Variants in ACOT1 observed in about 807,000 individuals in gnomAD.
The protein encoded by ACOT1 is acyl-CoA thioesterase 1.
A neutral mutation model predicts 15.7 loss-of-function variants in ACOT1; 8 were observed. That is an observed-to-expected ratio of 0.51 (90% CI 0.30 to 0.92). ACOT1 has a LOEUF of 0.92. Among genes scored for constraint, ACOT1 ranks in the 40% least tolerant of loss-of-function variants. ACOT1 has a pLI of 0.06. For synonymous variants in ACOT1, 67 were observed against 241.2 expected (o/e 0.28, Z 6.69); for missense variants, 151 against 539.4 (o/e 0.28, Z 7.13).
chr14:73,522,630 G>A, the ACOT1 span: 1 of 1,614,126 alleles, frequency 6.2e-7, no homozygotes, highest in Non-Finnish European at 8.5e-7. Flanking sequence ...GGCCGACCCA[G>A]CATATCTGGA....
At chr14:73,492,566 A>C in the ACOT1 span, 1 of 1,613,890 alleles carries the variant, frequency 6.2e-7, no homozygotes, top group East Asian at 2.2e-5. This position sits in a 1 kb window ranked among gnomAD's most constrained non-coding sequence, Gnocchi z 4.9. Flanking sequence ...TTTGACTGAT[A>C]GGGAGAGGGC....
At chr14:73,494,592 C>G in the ACOT1 span, among the ~76,000 whole-genome samples, 1 of 152,134 alleles carries the variant, frequency 6.6e-6, no homozygotes, top group East Asian at 1.9e-4. Context: ...ACTTTGTTGC[C>G]CAGGCTGGGG....
chr14:73,492,253 A>C, the ACOT1 span: 6 of 1,613,990 alleles, frequency 3.7e-6, no homozygotes, highest in Non-Finnish European at 5.1e-6. The surrounding 1 kb of genome is among the most constrained non-coding windows in gnomAD (Gnocchi z 4.9). Flanking sequence ...GCCAGGATGG[A>C]GTCCACTCTC....
chr14:73,493,239 CCA>C, the ACOT1 span: 1 of 799,268 alleles, frequency 1.3e-6, no homozygotes, highest in South Asian at 1.6e-5. Flanking sequence ...GTAACACTGA[CCA>C]TGTCGTTCTG....
the ACOT1 span, chr14:73,502,815 G>T: frequency 9.6e-7 from 1 of 1,041,262 alleles, no homozygotes; most frequent in Non-Finnish European, 1.5e-6. Context: ...CCAAAGTGTT[G>T]GGAGCCACCT....
the ACOT1 span, chr14:73,493,019 T>C: frequency 1.4e-5 from 20 of 1,407,354 alleles, no homozygotes; most frequent in African/African-American, 2.7e-4. Flanking sequence ...TTTTTTTCCT[T>C]AAACTCACGT....
the ACOT1 span, chr14:73,495,200 G>A: frequency 6.3e-7 from 1 of 1,599,494 alleles, no homozygotes. Context: ...AGGAATCAAG[G>A]CATGGAACTC....
At chr14:73,507,370 A>G in the ACOT1 span, among the ~76,000 whole-genome samples, 4 of 152,138 alleles carry the variant, frequency 2.6e-5, no homozygotes, top group African/African-American at 4.8e-5. Context: ...ACTCATGCTT[A>G]TTCTACGTTT....
At chr14:73,524,042 G>A in the ACOT1 span, among the ~76,000 whole-genome samples, 1 of 151,902 alleles carries the variant, frequency 6.6e-6, no homozygotes, top group Non-Finnish European at 1.5e-5. Context: ...TGTAATCCCA[G>A]CACTTTGGGA....
upstream of ACOT1, among the ~76,000 whole-genome samples, chr14:73,534,054 C>G (rs1174346817): frequency 2.7e-5 from 3 of 111,768 alleles, 1 homozygote; most frequent in Non-Finnish European, 5.8e-5. Flanking sequence ...TGCACTCCAG[C>G]CTGGGTGACA....
At chr14:73,497,922 G>A in the ACOT1 span, among the ~76,000 whole-genome samples, 2 of 152,008 alleles carry the variant, frequency 1.3e-5, no homozygotes, top group African/African-American at 2.4e-5. Context: ...CATCACACCC[G>A]GCCAAAACCC....
chr14:73,508,250 C>T, the ACOT1 span: 6 of 1,613,888 alleles, frequency 3.7e-6, no homozygotes, highest in Non-Finnish European at 5.1e-6. Flanking sequence ...GCAGTACCTT[C>T]CAGAGCCAAG....
chr14:73,519,065 C>G, the ACOT1 span: 1 of 1,613,926 alleles, frequency 6.2e-7, no homozygotes, highest in Non-Finnish European at 8.5e-7. Flanking sequence ...TCTGGAGTTT[C>G]AGGGAAGACC....
chr14:73,530,079 C>G, the ACOT1 span: 1,317 of 132,620 alleles, frequency 9.9e-3, 1 homozygote, highest in African/African-American at 0.033. Flanking sequence ...CCTCCTGCCT[C>G]AGCGTCCCCA....
At chr14:73,491,681 C>G in the ACOT1 span, 1 of 1,549,884 alleles carries the variant, frequency 6.5e-7, no homozygotes, top group Non-Finnish European at 8.7e-7. Context: ...TTACCGGCGC[C>G]TATGGGAGCG....
At chr14:73,492,204 T>A in the ACOT1 span, 1 of 1,614,008 alleles carries the variant, frequency 6.2e-7, no homozygotes, top group South Asian at 1.1e-5. The surrounding 1 kb of genome is among the most constrained non-coding windows in gnomAD (Gnocchi z 4.9). Flanking sequence ...CCTGGAGATT[T>A]GCTGTATTTT....
At chr14:73,527,794 A>G in the ACOT1 span, among the ~76,000 whole-genome samples, 2 of 151,828 alleles carry the variant, frequency 1.3e-5, no homozygotes, top group East Asian at 1.9e-4. Flanking sequence ...CCCGGCCAAC[A>G]TGGCGAAACC....
chr14:73,520,801 T>C, the ACOT1 span: 1 of 1,530,548 alleles, frequency 6.5e-7, no homozygotes, highest in Non-Finnish European at 9.0e-7. Context: ...TCTTCCACCT[T>C]CCTGGCCCAT....
chr14:73,509,858 A>ATTT, the ACOT1 span, among the ~76,000 whole-genome samples: 1 of 59,230 alleles, frequency 1.7e-5, no homozygotes, highest in Non-Finnish European at 3.3e-5. Flanking sequence ...ATATATATAT[A>ATTT]TATATATATA....
Sources: allele counts gnomAD v4.1 joint callset (sites outside exome capture counted in the v4.1 genomes callset), GRCh38; gene constraint gnomAD v4.1.1; non-coding constraint Gnocchi (gnomAD v3.1); transcripts MANE v1.5; gene names NCBI Gene and HGNC (gene_info 2026-07-23, HGNC 2026-07-21).